Variants in NALCN observed in about 807,000 individuals in gnomAD.
NALCN encodes the protein sodium leak channel NALCN.
A neutral mutation model predicts 225.3 loss-of-function variants in NALCN; 111 were observed. That is an observed-to-expected ratio of 0.49 (90% CI 0.42 to 0.58). The LOEUF (loss-of-function observed/expected upper bound fraction) is 0.58. NALCN is among the 20% of genes least tolerant of loss of function. The pLI is 0.00. For missense variants in NALCN, 1,378 were observed against 2,202.4 expected (o/e 0.63, Z 7.49); for synonymous variants, 764 against 769.0 (o/e 0.99, Z 0.11).
At chr13:101,323,545 T>C (rs909088222) in intron 7 of NALCN, among the ~76,000 whole-genome samples, 3 of 152,162 alleles carry the variant, frequency 2.0e-5, no homozygotes, top group Non-Finnish European at 4.4e-5. Flanking sequence ...CCTCAGTGCA[T>C]GATTATTATT....
At chr13:101,398,995 T>A in intron 2 of NALCN, 24 bp downstream of exon 2, 4 of 1,398,064 alleles carry the variant, frequency 2.9e-6, no homozygotes, top group Non-Finnish European at 3.1e-6. Context: ...CATATGCTTC[T>A]CCATACTCAA....
At position 101,238,133 on chromosome 13, in the gene NALCN, CATGTT is replaced by C. The variant is rs762460703; in HGVS notation, c.1267-216_1267-212del. 2.6e-5 allele frequency among the ~76,000 whole-genome samples: 4 copies of C among 151,868 alleles called. No homozygotes were observed. In the South Asian group the frequency reaches 8.3e-4, roughly 32 times the overall value. On this transcript the variant is annotated intron_variant, in intron 11 of 43. Transcript: ENST00000251127. ...AAGCAATCTTAAACAATTATAAAAA[CATGTT>C]ATGATTTTGAATGTTTGTGAGTGGC...
intron 11 of NALCN, among the ~76,000 whole-genome samples, chr13:101,254,200 T>C (rs956785095): frequency 2.6e-5 from 4 of 151,508 alleles, no homozygotes; most frequent in Non-Finnish European, 5.9e-5. Flanking sequence ...CTGGCTAACA[T>C]GGCGAAACCC....
In NALCN at chr13:101,303,350, T is replaced by C. The variant is rs533148052; in HGVS notation, c.800-10984A>G. ...GTCTGCCTGGTCACAATTTGGCTTATGCATCACTAACAGCACAGGATGAAA... is the reference window on the plus strand; with the variant it reads ...GTCTGCCTGGTCACAATTTGGCTTACGCATCACTAACAGCACAGGATGAAA... On this transcript the variant is annotated intron_variant, in intron 7 of 43. Coordinates refer to ENST00000251127, the MANE Select transcript of NALCN (RefSeq NM_052867.4). Among the ~76,000 whole-genome samples, 7 of 152,292 alleles carry C rather than the reference T, an allele frequency of 4.6e-5. No homozygotes were observed. The East Asian group carries it at 9.7e-4, about 21-fold the overall frequency.
Position 101,354,021 on chromosome 13 carries a change from T to C in NALCN, c.645-8601A>G, listed in dbSNP as rs1335382804. Among the ~76,000 whole-genome samples, 3 of 152,208 alleles carry C rather than the reference T, an allele frequency of 2.0e-5. No homozygotes were observed. The East Asian group carries it at 5.8e-4, about 30-fold the overall frequency. ...CTGCAGTTGGGTTAGGATAAGGCAA[T>C]GAGAGGGCATGAACATATTCAAAAT... On this transcript the variant is annotated intron_variant, in intron 6 of 43. Coordinates refer to ENST00000251127, the MANE Select transcript of NALCN (RefSeq NM_052867.4).
intron 11 of NALCN, among the ~76,000 whole-genome samples, chr13:101,255,026 C>T (rs2042184964): frequency 6.6e-6 from 1 of 152,100 alleles, no homozygotes; most frequent in African/African-American, 2.4e-5. Flanking sequence ...ATATCCACCA[C>T]CTCTCAAAGT....
chr13:101,298,182 G>T (rs1320845282), intron 7 of NALCN, among the ~76,000 whole-genome samples: 1 of 152,164 alleles, frequency 6.6e-6, no homozygotes, highest in African/African-American at 2.4e-5. Flanking sequence ...AATCCTGAAT[G>T]GTGGTCAAAT....
chr13:101,234,010 C>G (rs780232952), intron 12 of NALCN, among the ~76,000 whole-genome samples: 7 of 152,138 alleles, frequency 4.6e-5, no homozygotes, highest in Non-Finnish European at 7.3e-5. Context: ...GAATGCTTCC[C>G]CTCAGACCTC....
chr13:101,348,874 A>C (rs2045824850), intron 6 of NALCN, among the ~76,000 whole-genome samples: 2 of 152,218 alleles, frequency 1.3e-5, no homozygotes, highest in Non-Finnish European at 2.9e-5. Context: ...TGTTTTTAAA[A>C]ATTGAAATGA....
At chr13:101,120,181 C>T (rs1352403411) in intron 18 of NALCN, among the ~76,000 whole-genome samples, 1 of 152,150 alleles carries the variant, frequency 6.6e-6, no homozygotes, top group East Asian at 1.9e-4. Flanking sequence ...TAATGTGGAT[C>T]CTGTTTCAAA....
intron 10 of NALCN, among the ~76,000 whole-genome samples, chr13:101,271,027 T>C (rs919660812): frequency 6.6e-5 from 10 of 152,184 alleles, no homozygotes; most frequent in Admixed American, 6.5e-4. Context: ...TCAAGAGTTA[T>C]AGGACTGATT....
Position 101,055,207 on chromosome 13 carries a change from G to A in NALCN, c.*88C>T, listed in dbSNP as rs1402729506. On this transcript the variant is annotated 3_prime_UTR_variant, in exon 44 of 44. Coordinates refer to ENST00000251127, the MANE Select transcript of NALCN (RefSeq NM_052867.4). Reference sequence around the variant, plus strand: ...TGTGACAAGCTGGAATTCAGTTATAGATCAATTACAGATTGCTCACTGGAC... The same window carrying A: ...TGTGACAAGCTGGAATTCAGTTATAAATCAATTACAGATTGCTCACTGGAC... 5 of 1,020,498 alleles carry A rather than the reference G, an allele frequency of 4.9e-6. No homozygotes were observed. The South Asian group carries it at 7.9e-5, about 16-fold the overall frequency. The allele number at this position is 1,020,498 out of a possible 1,614,324, so 63.2% of individuals were successfully genotyped here. A position where few individuals can be genotyped will look rare whatever the true frequency, so the allele number is the denominator to read the frequency against.
intron 7 of NALCN, among the ~76,000 whole-genome samples, chr13:101,319,079 C>G (rs1236881087): frequency 6.6e-6 from 1 of 152,158 alleles, no homozygotes; most frequent in African/African-American, 2.4e-5. Context: ...AAATGCATCT[C>G]AAGGGGCACA....
At chr13:101,149,091 A>G (rs2037502307) in intron 15 of NALCN, among the ~76,000 whole-genome samples, 1 of 152,186 alleles carries the variant, frequency 6.6e-6, no homozygotes, top group Non-Finnish European at 1.5e-5. Context: ...AAGGAGATCG[A>G]GACCATCCTG....
intron 15 of NALCN, among the ~76,000 whole-genome samples, chr13:101,172,613 A>G (rs9518323): frequency 0.25 from 37,541 of 151,996 alleles, 5,360 homozygotes; most frequent in Non-Finnish European, 0.33. Flanking sequence ...AGGCTGGAGT[A>G]CAGTGGCGCC....
At chr13:101,234,887 T>G (rs1261752237) in intron 12 of NALCN, among the ~76,000 whole-genome samples, 1 of 152,142 alleles carries the variant, frequency 6.6e-6, no homozygotes, top group Non-Finnish European at 1.5e-5. Flanking sequence ...TCTGTCTATC[T>G]ATAAAATGGT....
At position 101,104,941 on chromosome 13, in the gene NALCN, T is replaced by A. The variant is rs1157100211; in HGVS notation, c.2589A>T (p.Thr863=). Residue 863 remains threonine, a synonymous_variant, in exon 23 of 44, where the codon ACA becomes ACT. Coordinates refer to ENST00000251127, the MANE Select transcript of NALCN (RefSeq NM_052867.4). This position sits in a 1 kb window ranked among gnomAD's most constrained non-coding sequence, Gnocchi z 4.2. ...TTTTCACAGCTCCTGTGACAGGGTC[T>A]GTTTTAGATCTGTAAGAGAACACAT... The part of the protein sequence containing the change: ...VVRARFNASK[T]DPVTGAVKNT... 2.5e-6 allele frequency: 4 copies of A among 1,613,690 alleles called. No homozygotes were observed. The highest frequency in any genetic ancestry group is 3.4e-6 in the Non-Finnish European group (4 of 1,179,734).
chr13:101,101,106 A>C (rs1171309250), intron 26 of NALCN, among the ~76,000 whole-genome samples: 1 of 152,138 alleles, frequency 6.6e-6, no homozygotes, highest in Non-Finnish European at 1.5e-5. Context: ...AAATGGAAAC[A>C]TGAATTTCAT....
rs116654040 is a variant in NALCN, at chr13:101,357,264, G to A, written c.645-11844C>T. On this transcript the variant is annotated intron_variant, in intron 6 of 43. Coordinates refer to ENST00000251127, the MANE Select transcript of NALCN (RefSeq NM_052867.4). ...GTGAAATTTTCTGTTTCCAGATGTC[G>A]TGATTCTATAGTTAGAAAACCCCAT... 7.4e-3 allele frequency among the ~76,000 whole-genome samples: 1,129 copies of A among 152,012 alleles called. 8 individuals carry two copies. Among genetic ancestry groups the A allele is most frequent in the African/African-American group, 0.025 (1,044 of 41,506 alleles).
Sources: allele counts gnomAD v4.1 joint callset (sites outside exome capture counted in the v4.1 genomes callset), GRCh38; gene constraint gnomAD v4.1.1; non-coding constraint Gnocchi (gnomAD v3.1); transcripts MANE v1.5; gene names NCBI Gene and HGNC (gene_info 2026-07-23, HGNC 2026-07-21).